Variants in NTM observed in about 807,000 individuals in gnomAD.
NTM encodes the protein neurotrimin.
NTM carries 13 observed loss-of-function variants against 42.1 expected under a neutral mutation model. The observed-to-expected ratio is 0.31, with a 90% CI of 0.20 to 0.49. The LOEUF (loss-of-function observed/expected upper bound fraction) is 0.49. NTM is among the 20% of genes least tolerant of loss of function. The probability of loss-of-function intolerance (pLI) is 0.99; values close to 1 mark genes in which losing one functional copy is unlikely to be tolerated. For missense variants in NTM, 373 were observed against 452.8 expected, an observed-to-expected ratio of 0.82 and a Z score of 1.60; for synonymous variants, 187 against 179.2, an observed-to-expected ratio of 1.04 and a Z score of -0.35.
chr11:132,058,478 C>T (rs1391778128), intron 2 of NTM, among the ~76,000 whole-genome samples: 1 of 152,308 alleles, frequency 6.6e-6, no homozygotes, highest in East Asian at 1.9e-4. Context: ...GCCTTTCTGA[C>T]TTCTCCCACT....
intron 1 of NTM, among the ~76,000 whole-genome samples, chr11:131,394,957 C>A (rs868355711): frequency 6.6e-6 from 1 of 152,180 alleles, no homozygotes; most frequent in African/African-American, 2.4e-5. Flanking sequence ...GCAGTCTATC[C>A]AGTCAGCAAC....
intron 1 of NTM, among the ~76,000 whole-genome samples, chr11:131,772,876 A>T (rs1325994428): frequency 6.6e-6 from 1 of 152,214 alleles, no homozygotes; most frequent in Non-Finnish European, 1.5e-5. Flanking sequence ...GAAGTGGTGG[A>T]AATATGATAG....
At chr11:132,252,984 A>G (rs1478608352) in intron 4 of NTM, among the ~76,000 whole-genome samples, 4 of 152,200 alleles carry the variant, frequency 2.6e-5, no homozygotes, top group Non-Finnish European at 5.9e-5. Flanking sequence ...TCTTTGCAGA[A>G]TACTAATTAC....
Position 131,789,636 on chromosome 11 carries a change from AAAG to A in NTM, c.83-121898_83-121896del, listed in dbSNP as rs374898394. On this transcript the variant is annotated intron_variant, in intron 1 of 8. Transcript: ENST00000683400. ...AAGAAGAAGAAGAAGAAGAAGAAGA[AAAG>A]AAGAAGAAGAAGAAGAAGAAGAAGA... Among the ~76,000 whole-genome samples, 287 of 30,890 alleles carry A rather than the reference AAAG, an allele frequency of 9.3e-3. 26 individuals carry two copies. The highest frequency in any genetic ancestry group is 0.016 in the East Asian group (14 of 898). 20.3% of individuals were successfully genotyped at this position (30,890 alleles called of 152,430 possible). A position where few individuals can be genotyped will look rare whatever the true frequency, so the allele number is the denominator to read the frequency against.
chr11:131,875,967 G>A (rs1167225517), intron 1 of NTM, among the ~76,000 whole-genome samples: 7 of 152,240 alleles, frequency 4.6e-5, no homozygotes, highest in Admixed American at 2.0e-4. Context: ...GGGGCCCAGT[G>A]CAAGGGAGAG....
chr11:131,557,155 C>T (rs1042097692), intron 1 of NTM, among the ~76,000 whole-genome samples: 1 of 151,854 alleles, frequency 6.6e-6, no homozygotes, highest in Non-Finnish European at 1.5e-5. Flanking sequence ...CCAGTTAAGC[C>T]AATGGAAGAA....
intron 2 of NTM, among the ~76,000 whole-genome samples, chr11:131,963,399 A>T (rs1171616753): frequency 6.6e-6 from 1 of 152,230 alleles, no homozygotes; most frequent in African/African-American, 2.4e-5. Flanking sequence ...TATTTTTGTT[A>T]TACTGGGTGT....
chr11:132,325,350 G>T (rs941272818), intron 7 of NTM, among the ~76,000 whole-genome samples: 14 of 152,152 alleles, frequency 9.2e-5, no homozygotes, highest in African/African-American at 3.4e-4. Context: ...TCAAAAAGTG[G>T]GCAAAGGACA....
chr11:131,705,843 G>A (rs2135235106), intron 1 of NTM, among the ~76,000 whole-genome samples: 1 of 152,060 alleles, frequency 6.6e-6, no homozygotes, highest in South Asian at 2.1e-4. Context: ...ACCTGTGTGA[G>A]ATACACGAAA....
rs142942521 is a variant in NTM at position 132,246,675 on chromosome 11, A to T, written c.526+34528A>T. On this transcript the variant is annotated intron_variant, in intron 4 of 8. Transcript: ENST00000683400. ...AGAAGCTGAAAAATGAGCTGAGCTG[A>T]GATATTAAAGTGGTAGAAGAAGAAT... Among the ~76,000 whole-genome samples the T allele has an allele frequency of 2.4e-4, 36 of 152,338 alleles. No homozygotes were observed. The East Asian group carries it at 6.8e-3, about 29-fold the overall frequency.
intron 1 of NTM, among the ~76,000 whole-genome samples, chr11:131,796,918 A>T (rs1242379394): frequency 6.6e-6 from 1 of 152,210 alleles, no homozygotes; most frequent in Non-Finnish European, 1.5e-5. Context: ...CAAATAGTCA[A>T]AAGTGATCCT....
chr11:131,571,327 G>A (rs557716142), intron 1 of NTM, among the ~76,000 whole-genome samples: 10 of 152,312 alleles, frequency 6.6e-5, no homozygotes, highest in Admixed American at 3.3e-4. Context: ...TCCAAGCGCC[G>A]TACTTGACGA....
rs71067334 is a variant in NTM at position 131,789,493 on chromosome 11, GAA to G, written c.83-122069_83-122068del. On this transcript the variant is annotated intron_variant, in intron 1 of 8. Transcript: ENST00000683400. ...AGAAGAAGAAGAAGAAGAAGAAGAG[GAA>G]AGAAGAAGAAGAAGAAGAAGAAGAA... 1.3e-3 allele frequency among the ~76,000 whole-genome samples: 4 copies of G among 2,968 alleles called. 1 individual carries two copies. Among genetic ancestry groups the G allele is most frequent in the East Asian group, 7.6e-3 (1 of 132 alleles). 1.9% of individuals were successfully genotyped at this position (2,968 alleles called of 152,430 possible).
intron 2 of NTM, among the ~76,000 whole-genome samples, chr11:131,956,544 C>T (rs534712855): frequency 1.3e-5 from 2 of 151,162 alleles, no homozygotes; most frequent in Non-Finnish European, 2.9e-5. Flanking sequence ...AAGCTTGGGT[C>T]ATCTCCTGCG....
At chr11:131,599,495 A>G (rs1015327212) in intron 1 of NTM, among the ~76,000 whole-genome samples, 1 of 152,222 alleles carries the variant, frequency 6.6e-6, no homozygotes. Context: ...TGCCACATCG[A>G]TCTCAGCACC....
At chr11:132,150,636 A>G (rs1195136351) in intron 3 of NTM, among the ~76,000 whole-genome samples, 1 of 151,956 alleles carries the variant, frequency 6.6e-6, no homozygotes, top group African/African-American at 2.4e-5. Context: ...TGGATTTCCT[A>G]GGTTAGCTTC....
At chr11:131,857,433 G>C (rs1184447926) in intron 1 of NTM, among the ~76,000 whole-genome samples, 2 of 152,036 alleles carry the variant, frequency 1.3e-5, no homozygotes, top group African/African-American at 4.8e-5. Context: ...TTCCCATTCA[G>C]TGGCCCTCAA....
intron 1 of NTM, among the ~76,000 whole-genome samples, chr11:131,884,907 A>G (rs2050142787): frequency 6.6e-6 from 1 of 152,094 alleles, no homozygotes; most frequent in South Asian, 2.1e-4. Context: ...GGTGCATTCA[A>G]CCTTCACAGC....
intron 4 of NTM, among the ~76,000 whole-genome samples, chr11:132,279,251 C>A (rs1420810734): frequency 6.6e-6 from 1 of 152,232 alleles, no homozygotes; most frequent in African/African-American, 2.4e-5. Context: ...TCCATTTCCA[C>A]AGCCACTGCC....
Sources: allele counts gnomAD v4.1 joint callset (sites outside exome capture counted in the v4.1 genomes callset), GRCh38; gene constraint gnomAD v4.1.1; transcripts MANE v1.5; gene names NCBI Gene and HGNC (gene_info 2026-07-23, HGNC 2026-07-21).